The following KCNMB2 variants were observed in gnomAD, a reference collection of about 807,000 sequenced individuals.
The protein encoded by KCNMB2 is potassium calcium-activated channel subfamily M regulatory beta subunit 2, also known as calcium-activated potassium channel subunit beta-2.
KCNMB2 carries 9 observed loss-of-function variants against 24.5 expected under a neutral mutation model. The observed-to-expected ratio is 0.37, with a 90% confidence interval of 0.22 to 0.64. KCNMB2 has a LOEUF of 0.64. Among genes scored for constraint, KCNMB2 ranks in the 30% least tolerant of loss-of-function variants. KCNMB2 has a pLI of 0.63. For missense variants in KCNMB2, 226 were observed against 284.3 expected (o/e 0.79, Z 1.47); for synonymous variants, 109 against 104.4 (o/e 1.04, Z -0.27).
At chr3:178,676,187 G>A (rs1191955553) in intron 1 of KCNMB2, among the ~76,000 whole-genome samples, 2 of 152,142 alleles carry the variant, frequency 1.3e-5, no homozygotes, top group East Asian at 1.9e-4. Flanking sequence ...GCAGTGCTAA[G>A]GCCCCAGTAA....
intron 1 of KCNMB2, among the ~76,000 whole-genome samples, chr3:178,572,307 A>G (rs1377983871): frequency 6.6e-6 from 1 of 152,218 alleles, no homozygotes; most frequent in African/African-American, 2.4e-5. Flanking sequence ...CATAGAATGC[A>G]TGACTACCTA....
At chr3:178,695,789 A>G (rs1306369716) in intron 1 of KCNMB2, among the ~76,000 whole-genome samples, 1 of 152,092 alleles carries the variant, frequency 6.6e-6, no homozygotes, top group Non-Finnish European at 1.5e-5. Flanking sequence ...CTGTCTTCTG[A>G]GCCCTCCAAG....
At chr3:178,609,786 A>C (rs1446877324) in intron 1 of KCNMB2, among the ~76,000 whole-genome samples, 1 of 151,874 alleles carries the variant, frequency 6.6e-6, no homozygotes, top group Non-Finnish European at 1.5e-5. Context: ...ACAGGCATGC[A>C]CCACCATGCC....
intron 1 of KCNMB2, among the ~76,000 whole-genome samples, chr3:178,576,162 G>A (rs1716981046): frequency 6.6e-6 from 1 of 151,828 alleles, no homozygotes; most frequent in African/African-American, 2.4e-5. Flanking sequence ...ATCTCATTGG[G>A]ACTGGTTAGA....
intron 1 of KCNMB2, among the ~76,000 whole-genome samples, chr3:178,682,864 A>T (rs1297944573): frequency 1.3e-5 from 2 of 150,906 alleles, no homozygotes; most frequent in Admixed American, 6.6e-5. Flanking sequence ...GTCAAAAAAG[A>T]AAAAAAAACA....
At chr3:178,742,346 C>A (rs539190281) in intron 1 of KCNMB2, among the ~76,000 whole-genome samples, 2 of 152,310 alleles carry the variant, frequency 1.3e-5, no homozygotes, top group African/African-American at 4.8e-5. Context: ...TCTAGAGAAA[C>A]CCCTCTGATC....
intron 1 of KCNMB2, among the ~76,000 whole-genome samples, chr3:178,590,887 CT>C (rs1440996052): frequency 2.0e-5 from 3 of 152,200 alleles, no homozygotes; most frequent in African/African-American, 7.2e-5. Context: ...TGGTGCAGGA[CT>C]GGTAAATTCT....
At chr3:178,668,918 G>C (rs1459381562) in intron 1 of KCNMB2, among the ~76,000 whole-genome samples, 1 of 152,122 alleles carries the variant, frequency 6.6e-6, no homozygotes, top group Non-Finnish European at 1.5e-5. Flanking sequence ...GGGACAGACA[G>C]TTCATCTTTC....
rs1007840901 is a variant in KCNMB2 at position 178,842,637 on chromosome 3, A to C, written c.424-16A>C. 6.4e-7 allele frequency: 1 copy of C among 1,552,790 alleles called. No individual in the cohort carries two copies. Among genetic ancestry groups the C allele is most frequent in the Non-Finnish European group, 8.8e-7 (1 of 1,130,212 alleles). ...ACATAGTATCTTCTAGTAACAGTTT[A>C]TCTTATTCTCCACAGTGCTCCTATA... is the stretch of plus-strand genomic sequence containing the variant. On this transcript the variant is annotated splice_polypyrimidine_tract_variant and intron_variant, in intron 4 of 4. Transcript: ENST00000452583.
intron 1 of KCNMB2, among the ~76,000 whole-genome samples, chr3:178,604,413 AAAAGCACACAGTGT>A (rs1718203738): frequency 6.6e-6 from 1 of 152,126 alleles, no homozygotes; most frequent in African/African-American, 2.4e-5. Context: ...AAAAAAAAAA[AAAAGCACACAGTGT>A]AACCCAGAAC....
intron 1 of KCNMB2, among the ~76,000 whole-genome samples, chr3:178,731,529 A>G (rs1279668822): frequency 6.6e-6 from 1 of 152,234 alleles, no homozygotes; most frequent in Non-Finnish European, 1.5e-5. Context: ...GTATACGACT[A>G]GATGAGAAAC....
chr3:178,612,113 G>T (rs1718503718), intron 1 of KCNMB2, among the ~76,000 whole-genome samples: 1 of 152,170 alleles, frequency 6.6e-6, no homozygotes, highest in Admixed American at 6.5e-5. Context: ...GGTCAGAGAA[G>T]ATTATTGACA....
chr3:178,670,263 G>A (rs1234970293), intron 1 of KCNMB2, among the ~76,000 whole-genome samples: 2 of 151,986 alleles, frequency 1.3e-5, no homozygotes, highest in African/African-American at 4.8e-5. Flanking sequence ...TGGGAAGCAG[G>A]GCTGGCCTGT....
chr3:178,681,682 A>G (rs1285093262), intron 1 of KCNMB2, among the ~76,000 whole-genome samples: 2 of 152,222 alleles, frequency 1.3e-5, no homozygotes, highest in Non-Finnish European at 2.9e-5. Flanking sequence ...GTAGCCGGAT[A>G]CTGTCATATC....
intron 2 of KCNMB2, among the ~76,000 whole-genome samples, chr3:178,822,976 T>C (rs1714690780): frequency 1.3e-5 from 2 of 152,194 alleles, no homozygotes; most frequent in African/African-American, 4.8e-5. Context: ...GCCATCAGAG[T>C]TAAATACATG....
chr3:178,755,120 T>C (rs1723986863), intron 1 of KCNMB2, among the ~76,000 whole-genome samples: 1 of 152,246 alleles, frequency 6.6e-6, no homozygotes, highest in South Asian at 2.1e-4. Context: ...GCTATGAGAG[T>C]GCCGTTTCCA....
intron 1 of KCNMB2, among the ~76,000 whole-genome samples, chr3:178,732,868 C>T (rs1723197338): frequency 1.3e-5 from 2 of 152,108 alleles, no homozygotes; most frequent in African/African-American, 2.4e-5. Context: ...ATTTATGGAA[C>T]GTAACTACCA....
intron 1 of KCNMB2, among the ~76,000 whole-genome samples, chr3:178,699,339 G>C (rs1449767672): frequency 6.6e-6 from 1 of 152,212 alleles, no homozygotes; most frequent in Non-Finnish European, 1.5e-5. Context: ...TGAGTGAAGG[G>C]GAGTGGACTG....
At chr3:178,710,637 C>T (rs1261803586) in intron 1 of KCNMB2, among the ~76,000 whole-genome samples, 2 of 151,900 alleles carry the variant, frequency 1.3e-5, no homozygotes, top group East Asian at 1.9e-4. Context: ...TATGTGTGTG[C>T]GTGAGTGTGT....
Sources: allele counts gnomAD v4.1 joint callset (sites outside exome capture counted in the v4.1 genomes callset), GRCh38; gene constraint gnomAD v4.1.1; transcripts MANE v1.5; gene names NCBI Gene and HGNC (gene_info 2026-07-23, HGNC 2026-07-21).